Variants in OSBP2 observed in about 807,000 individuals in gnomAD.
OSBP2 encodes the protein oxysterol binding protein 2.
In OSBP2, 66 loss-of-function variants were observed where a neutral mutation model predicts 96.0. The observed-to-expected ratio is 0.69, with a 90% CI of 0.56 to 0.84. The LOEUF (loss-of-function observed/expected upper bound fraction) is 0.84, where lower values mean the gene tolerates loss of function less well. Among genes scored for constraint, OSBP2 ranks in the 40% least tolerant of loss-of-function variants. The probability of loss-of-function intolerance (pLI) is 0.00; values close to 1 mark genes in which losing one functional copy is unlikely to be tolerated. For missense variants in OSBP2, 1,038 were observed against 1,222.7 expected (o/e 0.85, Z 2.25); for synonymous variants, 525 against 520.9 (o/e 1.01, Z -0.11).
intron 2 of OSBP2, among the ~76,000 whole-genome samples, chr22:30,810,011 G>A (rs1395971900): frequency 6.6e-6 from 1 of 152,106 alleles, no homozygotes; most frequent in African/African-American, 2.4e-5. Flanking sequence ...GCTGGGGACC[G>A]GTGGAATGTG....
At chr22:30,728,630 G>T (rs1159297648) in intron 1 of OSBP2, among the ~76,000 whole-genome samples, 2 of 151,996 alleles carry the variant, frequency 1.3e-5, no homozygotes, top group South Asian at 4.2e-4. Flanking sequence ...CCAAGTAGCT[G>T]GGTCTACAGG....
At chr22:30,872,884 G>A (rs1433536457) in intron 3 of OSBP2, among the ~76,000 whole-genome samples, 2 of 152,230 alleles carry the variant, frequency 1.3e-5, no homozygotes, top group South Asian at 4.1e-4. Flanking sequence ...CCCACTGTGT[G>A]CAGAGGAGCC....
At chr22:30,711,533 A>G (rs1222126823) in intron 1 of OSBP2, among the ~76,000 whole-genome samples, 2 of 151,876 alleles carry the variant, frequency 1.3e-5, no homozygotes, top group Non-Finnish European at 2.9e-5. Context: ...TGAGTCCAGG[A>G]GTTTGAGACC....
At chr22:30,878,160 G>C (rs1459044565) in intron 3 of OSBP2, among the ~76,000 whole-genome samples, 1 of 152,238 alleles carries the variant, frequency 6.6e-6, no homozygotes, top group Non-Finnish European at 1.5e-5. Flanking sequence ...TGCTGACAGT[G>C]TTCTGCTTCC....
intron 2 of OSBP2, among the ~76,000 whole-genome samples, chr22:30,783,261 A>T (rs1373788179): frequency 6.7e-6 from 1 of 149,332 alleles, no homozygotes; most frequent in Non-Finnish European, 1.5e-5. Context: ...CCGAAGACAT[A>T]AAATACCACA....
chr22:30,698,585 T>C (rs371006289), intron 1 of OSBP2, among the ~76,000 whole-genome samples: 1 of 151,870 alleles, frequency 6.6e-6, no homozygotes, highest in Non-Finnish European at 1.5e-5. Context: ...ACTACAGGCG[T>C]GCACCACCAC....
chr22:30,888,719 C>T (rs1331052330), intron 5 of OSBP2, among the ~76,000 whole-genome samples: 1 of 152,068 alleles, frequency 6.6e-6, no homozygotes, highest in Non-Finnish European at 1.5e-5. Flanking sequence ...ACAGAGAGAC[C>T]CTGTCTCAAA....
chr22:30,729,147 AT>A (rs2089703696), intron 1 of OSBP2, among the ~76,000 whole-genome samples: 1 of 152,166 alleles, frequency 6.6e-6, no homozygotes, highest in South Asian at 2.1e-4. Context: ...TTTTTTACCC[AT>A]TTTAAATTGG....
intron 2 of OSBP2, among the ~76,000 whole-genome samples, chr22:30,829,948 G>A (rs2038487786): frequency 6.6e-6 from 1 of 152,230 alleles, no homozygotes; most frequent in Non-Finnish European, 1.5e-5. Context: ...CAGGGCTTGG[G>A]AGACTTCAGT....
At chr22:30,889,340 C>T (rs2039891058) in intron 6 of OSBP2, 106 bp downstream of exon 6, 2 of 1,416,898 alleles carry the variant, frequency 1.4e-6, no homozygotes, top group Non-Finnish European at 2.0e-6. Flanking sequence ...AGGCCCATGC[C>T]CCAGTCCAGG....
intron 1 of OSBP2, among the ~76,000 whole-genome samples, chr22:30,706,805 G>T (rs1020911265): frequency 6.6e-6 from 1 of 152,058 alleles, no homozygotes; most frequent in African/African-American, 2.4e-5. Context: ...CAGCCAGAAG[G>T]ACCCCTCCTC....
intron 2 of OSBP2, among the ~76,000 whole-genome samples, chr22:30,858,782 G>C (rs1394701636): frequency 6.6e-6 from 1 of 151,542 alleles, no homozygotes; most frequent in Non-Finnish European, 1.5e-5. Context: ...AGGAGGCTGA[G>C]GCAGGAGAAC....
At position 30,713,596 on chromosome 22, in the gene OSBP2, G is replaced by A. The variant is rs151115690; in HGVS notation, c.644+18043G>A. On this transcript the variant is annotated intron_variant, in intron 1 of 13. Transcript: ENST00000332585. ...CCACCTCAGCCTCCCAAGTAGGTGG[G>A]ACTACAGATGCACACCACTATGCTT... Among the ~76,000 whole-genome samples, 625 of 152,054 alleles carry A rather than the reference G, an allele frequency of 4.1e-3. 4 individuals carry two copies. The highest frequency in any genetic ancestry group is 0.014 in the African/African-American group (596 of 41,464).
At chr22:30,848,514 G>A (rs2038915885) in intron 2 of OSBP2, among the ~76,000 whole-genome samples, 1 of 152,060 alleles carries the variant, frequency 6.6e-6, no homozygotes, top group Admixed American at 6.5e-5. Context: ...GTATACACCT[G>A]TGTAGCTGCC....
chr22:30,746,554 A>G (rs1336436760), intron 2 of OSBP2, among the ~76,000 whole-genome samples: 1 of 140,722 alleles, frequency 7.1e-6, no homozygotes, highest in Non-Finnish European at 1.5e-5. Flanking sequence ...CAGTGGTGCA[A>G]TCTCGGCTCA....
chr22:30,749,648 C>T (rs1203182403), intron 2 of OSBP2, among the ~76,000 whole-genome samples: 1 of 151,952 alleles, frequency 6.6e-6, no homozygotes, highest in Non-Finnish European at 1.5e-5. Flanking sequence ...TGCTCTGTCA[C>T]CCAGACTGGA....
chr22:30,730,729 T>TCTCC (rs1182132103), intron 1 of OSBP2, among the ~76,000 whole-genome samples: 24 of 22,190 alleles, frequency 1.1e-3, no homozygotes, highest in Admixed American at 4.6e-3. Flanking sequence ...TCTCTCTCTC[T>TCTCC]CTCTCTCTCT....
intron 2 of OSBP2, among the ~76,000 whole-genome samples, chr22:30,833,036 C>T (rs752333515): frequency 4.6e-5 from 7 of 152,224 alleles, no homozygotes; most frequent in African/African-American, 9.6e-5. Flanking sequence ...AGAAAGGTGT[C>T]AGTGCGCGAG....
At chr22:30,857,827 A>G (rs2039109232) in intron 2 of OSBP2, among the ~76,000 whole-genome samples, 1 of 152,194 alleles carries the variant, frequency 6.6e-6, no homozygotes, top group Non-Finnish European at 1.5e-5. Context: ...TCCCCTATTC[A>G]TTTAAGACAC....
Sources: gnomAD v4.1 joint callset for allele counts (sites outside exome capture counted in the v4.1 genomes callset) on GRCh38, gnomAD v4.1.1 for gene constraint, MANE v1.5 for transcripts, NCBI Gene and HGNC (gene_info 2026-07-23, HGNC 2026-07-21) for gene names.